Variants in SEPTIN12 observed in about 807,000 individuals in gnomAD.
The protein encoded by SEPTIN12 is septin 12.
Under a neutral mutation model 37.7 loss-of-function variants are expected in SEPTIN12, and 42 were observed. The observed-to-expected ratio is 1.11, with a 90% CI of 0.87 to 1.44. The LOEUF (loss-of-function observed/expected upper bound fraction) is 1.44. Among genes scored for constraint, SEPTIN12 ranks in the 40% most tolerant of loss-of-function variants. The probability of loss-of-function intolerance (pLI) is 0.00; values close to 1 mark genes in which losing one functional copy is unlikely to be tolerated. For missense variants in SEPTIN12, 613 were observed against 479.2 expected, an observed-to-expected ratio of 1.28 and a Z score of -2.61; for synonymous variants, 254 against 196.7, an observed-to-expected ratio of 1.29 and a Z score of -2.44.
chr16:4,784,379 C>T lies in SEPTIN12; in HGVS notation c.375-311G>A, dbSNP rs566416568. The T allele has an allele frequency of 3.8e-3, 1,336 of 347,386 alleles. 3 individuals carry two copies. Among genetic ancestry groups the T allele is most frequent in the Non-Finnish European group, 5.9e-3 (1,082 of 181,982 alleles). 21.5% of individuals were successfully genotyped at this position (347,386 alleles called of 1,614,324 possible). A position where few individuals can be genotyped will look rare whatever the true frequency, so the allele number is the denominator to read the frequency against. On this transcript the variant is annotated intron_variant, in intron 4 of 9. Transcript: ENST00000268231. ...AGCTGGGCCCAAACCACCAAGGAAT[C>T]GCGCCTGATGGTTGCAGGGGTCTCC...
chr16:4,781,321 T>C (rs190403353), intron 7 of SEPTIN12, among the ~76,000 whole-genome samples: 13 of 151,280 alleles, frequency 8.6e-5, no homozygotes, highest in Admixed American at 7.9e-4. Flanking sequence ...AAACAAAACA[T>C]TGTACGGTAC....
intron 2 of SEPTIN12, among the ~76,000 whole-genome samples, chr16:4,787,203 G>C (rs1449019677): frequency 6.6e-6 from 1 of 151,960 alleles, no homozygotes; most frequent in Non-Finnish European, 1.5e-5. Flanking sequence ...GTAGACATTA[G>C]GTTTTGCTAG....
At chr16:4,779,089 G>C (rs1200882798) in intron 8 of SEPTIN12, among the ~76,000 whole-genome samples, 2 of 152,096 alleles carry the variant, frequency 1.3e-5, no homozygotes, top group Admixed American at 1.3e-4. Flanking sequence ...AGTGAGCCGA[G>C]ATCACGCCAC....
chr16:4,783,653 C>A lies in SEPTIN12; in HGVS notation c.626G>T (p.Arg209Leu). The change falls in exon 6 of 10, where the codon CGC (arginine) becomes CTC (leucine). Residue 209 changes from arginine (R) to leucine (L), a missense_variant. By Grantham distance (102) the Arg-to-Leu change is moderately radical (BLOSUM62 -2). Coordinates refer to ENST00000268231, the MANE Select transcript of SEPTIN12 (RefSeq NM_144605.5). ...CTGCCCGGGCATCCAGATCACCCTG[C>A]GCCTGAAGGCCTCTCGCTCCTCCAT... ...LTMEEREAFR[R>L]RIQQNLRTHC... is the part of the protein sequence containing the mutation. The A allele has an allele frequency of 3.1e-6, 5 of 1,613,738 alleles. No individual in the cohort carries two copies. The highest frequency in any genetic ancestry group is 4.2e-6 in the Non-Finnish European group (5 of 1,179,804).
In SEPTIN12 at chr16:4,786,122, G is replaced by A. The variant is rs781263265; in HGVS notation, c.167-17C>T. 6 of 1,587,458 alleles carry A rather than the reference G, an allele frequency of 3.8e-6. No homozygotes were observed. The Admixed American group carries it at 5.3e-5, about 14-fold the overall frequency. On this transcript the variant is annotated splice_polypyrimidine_tract_variant and intron_variant, in intron 2 of 9. Coordinates refer to ENST00000268231, the MANE Select transcript of SEPTIN12 (RefSeq NM_144605.5). ...CGCTTTGCCCTGGGAGTGGCAACCG[G>A]ATGACAGCAGTTAGGGTGGGCGTTT...
chr16:4,785,786 A>T, intron 4 of SEPTIN12, 21 bp downstream of exon 4: 1 of 1,559,128 alleles, frequency 6.4e-7, no homozygotes, highest in Non-Finnish European at 8.7e-7. Flanking sequence ...CTAAAAAAAA[A>T]AAAAAAGAGA....
At chr16:4,789,833 AG>A (rs1284527790), upstream of SEPTIN12, 1 of 151,794 alleles carries the variant, frequency 6.6e-6, no homozygotes, top group Non-Finnish European at 1.5e-5. Flanking sequence ...TGACTTCACA[AG>A]GCTTAGGCAT....
At chr16:4,778,764 C>T (rs2082340794) in intron 8 of SEPTIN12, among the ~76,000 whole-genome samples, 1 of 151,960 alleles carries the variant, frequency 6.6e-6, no homozygotes, top group East Asian at 1.9e-4. Flanking sequence ...CGCTCCACTG[C>T]ACTCCAGCCT....
chr16:4,791,406 T>C (rs932255592), upstream of SEPTIN12, among the ~76,000 whole-genome samples: 7 of 152,344 alleles, frequency 4.6e-5, no homozygotes, highest in African/African-American at 1.4e-4. Context: ...TGCACGTTTC[T>C]GTGAGCCTTC....
intron 2 of SEPTIN12, among the ~76,000 whole-genome samples, chr16:4,786,319 C>T (rs2082444488): frequency 6.6e-6 from 1 of 150,700 alleles, no homozygotes; most frequent in Non-Finnish European, 1.5e-5. Flanking sequence ...GGACTGTAGG[C>T]ACACGCCACC....
In SEPTIN12 at chr16:4,787,561, G is replaced by C. The variant is rs1326052810; in HGVS notation, c.85C>G (p.Pro29Ala). The change falls in exon 2 of 10, where the codon CCT becomes GCT. Residue 29 changes from proline (P) to alanine (A), a missense_variant. Transcript: ENST00000268231. Reference sequence around the variant, plus strand: ...TCCAGCACAGCCTCAATGCCCACAGGACCAAGCATCTCGCAGGGTGGGGTG... The same window carrying C: ...TCCAGCACAGCCTCAATGCCCACAGCACCAAGCATCTCGCAGGGTGGGGTG... ...PSTPPCEMLG[P>A]VGIEAVLDQL... 9.3e-6 allele frequency: 15 copies of C among 1,611,360 alleles called. No homozygotes were observed. Among genetic ancestry groups the C allele is most frequent in the Non-Finnish European group, 1.3e-5 (15 of 1,179,772 alleles).
chr16:4,790,286 T>C (rs1428708765), upstream of SEPTIN12, among the ~76,000 whole-genome samples: 1 of 152,190 alleles, frequency 6.6e-6, no homozygotes, highest in African/African-American at 2.4e-5. Flanking sequence ...CAACTTTTCA[T>C]TGCAGTGAGA....
rs964559556 is a variant in SEPTIN12 at position 4,784,225 on chromosome 16, C to G, written c.375-157G>C. 4 of 723,054 alleles carry G rather than the reference C, an allele frequency of 5.5e-6. No individual in the cohort carries two copies. In the African/African-American group the frequency reaches 7.0e-5, roughly 13 times the overall value. The allele number at this position is 723,054 out of a possible 1,614,324, so 44.8% of individuals were successfully genotyped here. On this transcript the variant is annotated intron_variant, in intron 4 of 9. Transcript: ENST00000268231. ...CACCCCGGTACTTTCCCCCACTTCC[C>G]TGCATCATCAGAGACACACAGGGAG...
chr16:4,787,344 A>T, intron 2 of SEPTIN12, 136 bp downstream of exon 2: 1 of 815,674 alleles, frequency 1.2e-6, no homozygotes, highest in Non-Finnish European at 2.1e-6. Context: ...TTCAATGACA[A>T]CATCCCTGTG....
intron 7 of SEPTIN12, among the ~76,000 whole-genome samples, chr16:4,783,004 G>C (rs1186434058): frequency 2.7e-5 from 4 of 149,834 alleles, no homozygotes; most frequent in Non-Finnish European, 4.4e-5. Flanking sequence ...CTGCCTCCCA[G>C]TTTCAAAATT....
chr16:4,782,173 C>A (rs1596252863), intron 7 of SEPTIN12, among the ~76,000 whole-genome samples: 1 of 151,908 alleles, frequency 6.6e-6, no homozygotes, highest in South Asian at 2.1e-4. Flanking sequence ...TGGTCTCGAA[C>A]CCCTGGCCGC....
At position 4,785,839 on chromosome 16, in the gene SEPTIN12, GGGCGT is replaced by G; in HGVS notation, c.337_341del (p.Thr113ArgfsTer9). 6.2e-7 allele frequency: 1 copy of G among 1,613,050 alleles called. No homozygotes were observed. On this transcript the variant is annotated frameshift_variant, in exon 4 of 10. Coordinates refer to ENST00000268231, the MANE Select transcript of SEPTIN12 (RefSeq NM_144605.5). LOFTEE classifies it high-confidence loss of function. ...CATTGTTGATCTGGTCCCCGAAGCCGGGCGTGTCCGTCACCGTCAGCTTCAGCTTC... is the reference window on the plus strand; with the variant it reads ...CATTGTTGATCTGGTCCCCGAAGCCGGTCCGTCACCGTCAGCTTCAGCTTC...
chr16:4,779,938 T>A, intron 7 of SEPTIN12, 152 bp from the exon 8 acceptor site: 4 of 667,682 alleles, frequency 6.0e-6, no homozygotes, highest in Non-Finnish European at 8.0e-6. Context: ...TTCAAAGACA[T>A]AAAGTCTAAT....
intron 4 of SEPTIN12, among the ~76,000 whole-genome samples, chr16:4,784,721 G>T (rs1390796806): frequency 3.3e-5 from 5 of 149,430 alleles, no homozygotes; most frequent in Non-Finnish European, 7.4e-5. Context: ...AGTGAGCCAT[G>T]ATCTCGCCAC....
Sources: gnomAD v4.1 joint callset for allele counts (sites outside exome capture counted in the v4.1 genomes callset) on GRCh38, gnomAD v4.1.1 for gene constraint, MANE v1.5 for transcripts, NCBI Gene and HGNC (gene_info 2026-07-23, HGNC 2026-07-21) for gene names.